ANKRD28: variants seen among roughly 807,000 people sequenced by gnomAD.
The protein encoded by ANKRD28 is ankyrin repeat domain 28.
In ANKRD28, 44 loss-of-function variants were observed where a neutral mutation model predicts 126.5. That is an observed-to-expected ratio of 0.35 (90% CI 0.27 to 0.45). The LOEUF (loss-of-function observed/expected upper bound fraction) is 0.45, where lower values mean the gene tolerates loss of function less well. Ranked by LOEUF, ANKRD28 falls within the 20% of genes least tolerant of loss-of-function variation. The probability of loss-of-function intolerance (pLI) is 1.00; values close to 1 mark genes in which losing one functional copy is unlikely to be tolerated. For missense variants in ANKRD28, 1,110 were observed against 1,316.6 expected, an observed-to-expected ratio of 0.84 and a Z score of 2.43; for synonymous variants, 442 against 468.5, an observed-to-expected ratio of 0.94 and a Z score of 0.73.
intron 1 of ANKRD28, among the ~76,000 whole-genome samples, chr3:15,859,161 C>G (rs1362269228): frequency 6.6e-6 from 1 of 152,202 alleles, no homozygotes. Context: ...GCTAGACCCC[C>G]GTCGGCACGT....
At chr3:15,775,088 G>C (rs2059195604) in intron 2 of ANKRD28, among the ~76,000 whole-genome samples, 1 of 146,494 alleles carries the variant, frequency 6.8e-6, no homozygotes, top group Non-Finnish European at 1.5e-5. Context: ...TGTTGGCCAG[G>C]CTGGTCTTGA....
At chr3:15,737,540 CCGT>C (rs1204105770) in intron 4 of ANKRD28, among the ~76,000 whole-genome samples, 1 of 12,370 alleles carries the variant, frequency 8.1e-5, no homozygotes, top group South Asian at 2.6e-3. Flanking sequence ...TCATAGCTCA[CCGT>C]AACTTCAAAT....
intron 4 of ANKRD28, among the ~76,000 whole-genome samples, chr3:15,747,093 G>A (rs1380861258): frequency 6.7e-6 from 1 of 149,366 alleles, no homozygotes; most frequent in Non-Finnish European, 1.5e-5. Flanking sequence ...TCTCTTCTTG[G>A]TTAATCTTGC....
At chr3:15,799,088 T>C (rs2060399262), upstream of ANKRD28, among the ~76,000 whole-genome samples, 1 of 152,046 alleles carries the variant, frequency 6.6e-6, no homozygotes, top group Non-Finnish European at 1.5e-5. Context: ...TTCTAATCTA[T>C]TCTGCTATCA....
chr3:15,685,530 C>A, intron 20 of ANKRD28, 85 bp from the exon 21 acceptor site: 1 of 1,131,920 alleles, frequency 8.8e-7, no homozygotes, highest in South Asian at 1.3e-5. Context: ...CTTTAAAGAC[C>A]ATACTCTCCA....
intron 4 of ANKRD28, among the ~76,000 whole-genome samples, chr3:15,741,186 G>C (rs932162503): frequency 4.0e-5 from 6 of 151,216 alleles, no homozygotes; most frequent in Non-Finnish European, 7.4e-5. Context: ...GCGACAGAGC[G>C]AGACTCCATC....
Position 15,830,551 on chromosome 3 carries a change from A to C in ANKRD28, c.27+28826T>G, listed in dbSNP as rs1344273480. ...AATGCCTGATGATCTGAGGTGGAAC[A>C]GTTTCATCTCAAAACCATCCCACCC... On this transcript the variant is annotated intron_variant, in intron 1 of 27. Transcript: ENST00000399451. The surrounding 1 kb of genome is among the most constrained non-coding windows in gnomAD (Gnocchi z 4.5). 1.3e-5 allele frequency among the ~76,000 whole-genome samples: 2 copies of C among 152,152 alleles called. No homozygotes were observed. The highest frequency in any genetic ancestry group is 1.3e-4 in the Admixed American group (2 of 15,282).
intron 14 of ANKRD28, among the ~76,000 whole-genome samples, chr3:15,701,036 A>T (rs1021207392): frequency 6.6e-6 from 1 of 152,186 alleles, no homozygotes; most frequent in Non-Finnish European, 1.5e-5. Flanking sequence ...TGGGGAAAAA[A>T]TTCTTTAATC....
rs777024231 is a variant in ANKRD28 at position 15,737,152 on chromosome 3, C to A, written c.433G>T (p.Ala145Ser). Residue 145 changes from alanine to serine, a missense_variant, in exon 5 of 28, where the codon GCT (alanine) becomes TCT (serine). Ala to Ser is a moderately conservative substitution (Grantham distance 99). Transcript: ENST00000683139. ...GCACACTTTACAGCTTTATTAGCAG[C>A]AGCTATATGTAAAGGGGTTTGCCAA... ...KNWQTPLHIA[A>S]ANKAVKCAEA... 1 of 1,613,982 alleles carries A rather than the reference C, an allele frequency of 6.2e-7. No individual in the cohort carries two copies. The highest frequency in any genetic ancestry group is 2.2e-5 in the East Asian group (1 of 44,884).
At chr3:15,703,472 T>G (rs1379743145) in intron 14 of ANKRD28, among the ~76,000 whole-genome samples, 1 of 152,208 alleles carries the variant, frequency 6.6e-6, no homozygotes, top group African/African-American at 2.4e-5. Flanking sequence ...GGGATTAGTG[T>G]CCTTATAAAT....
chr3:15,719,782 T>G lies in ANKRD28; in HGVS notation c.996+1133A>C, dbSNP rs1575372342. Among the ~76,000 whole-genome samples, 4 of 152,254 alleles carry G rather than the reference T, an allele frequency of 2.6e-5. 1 individual carries two copies. The Middle Eastern group carries it at 0.014, about 518-fold the overall frequency. On this transcript the variant is annotated intron_variant, in intron 8 of 27. Transcript: ENST00000683139. Reference sequence around the variant, plus strand: ...GTTGCCCAGGCTGGTCTTGAACTCCTGGCCTCAAGTGATCTTCTCGCCTTG... The same window carrying G: ...GTTGCCCAGGCTGGTCTTGAACTCCGGGCCTCAAGTGATCTTCTCGCCTTG...
At chr3:15,754,284 G>A (rs374707976) in intron 3 of ANKRD28, among the ~76,000 whole-genome samples, 12 of 152,178 alleles carry the variant, frequency 7.9e-5, no homozygotes, top group African/African-American at 2.6e-4. Flanking sequence ...TTTGTCCATC[G>A]TATCTTGCAT....
intron 21 of ANKRD28, 86 bp downstream of exon 21, chr3:15,685,140 T>TA (rs777511707): frequency 6.7e-4 from 985 of 1,464,846 alleles, no homozygotes; most frequent in Non-Finnish European, 8.8e-4. Context: ...TTGCTAATTT[T>TA]AAACTTAAAA....
At chr3:15,712,594 G>T (rs891833406) in intron 10 of ANKRD28, among the ~76,000 whole-genome samples, 1 of 152,140 alleles carries the variant, frequency 6.6e-6, no homozygotes, top group African/African-American at 2.4e-5. Context: ...CTGGACATTT[G>T]CTTAGGGAGC....
intron 2 of ANKRD28, among the ~76,000 whole-genome samples, chr3:15,793,936 G>C (rs896880516): frequency 3.9e-5 from 6 of 152,150 alleles, no homozygotes; most frequent in African/African-American, 1.4e-4. Context: ...CGGGCGTGGT[G>C]GCAGGTGCCT....
chr3:15,719,102 C>T (rs2073407080), intron 8 of ANKRD28, among the ~76,000 whole-genome samples: 1 of 152,148 alleles, frequency 6.6e-6, no homozygotes, highest in South Asian at 2.1e-4. Flanking sequence ...GATGGTTTAG[C>T]TCTAATCATA....
intron 27 of ANKRD28, among the ~76,000 whole-genome samples, chr3:15,673,762 A>T (rs2066620926): frequency 6.6e-6 from 1 of 152,194 alleles, no homozygotes; most frequent in African/African-American, 2.4e-5. Context: ...GCCAGAATGA[A>T]GATCACAATG....
Position 15,737,366 on chromosome 3 carries a change from A to G in ANKRD28, c.352-133T>C, listed in dbSNP as rs939619255. ...AAATAAAAAAGCTCTCATAGAACTCACTATAAACAAGTAGGAATTTACCCA... is the reference window on the plus strand; with the variant it reads ...AAATAAAAAAGCTCTCATAGAACTCGCTATAAACAAGTAGGAATTTACCCA... On this transcript the variant is annotated intron_variant, in intron 4 of 27. Coordinates refer to ENST00000683139, the MANE Select transcript of ANKRD28 (RefSeq NM_001349278.2). 2.4e-5 allele frequency: 18 copies of G among 760,240 alleles called. No individual in the cohort carries two copies. The African/African-American group carries it at 2.6e-4, about 11-fold the overall frequency. The allele number at this position is 760,240 out of a possible 1,614,324, so 47.1% of individuals were successfully genotyped here. A position where few individuals can be genotyped will look rare whatever the true frequency, so the allele number is the denominator to read the frequency against.
intron 6 of ANKRD28, among the ~76,000 whole-genome samples, chr3:15,730,161 T>TA (rs2074476322): frequency 6.6e-6 from 1 of 152,120 alleles, no homozygotes; most frequent in Admixed American, 6.6e-5. Flanking sequence ...CAGCCCATGG[T>TA]AAAAAATATT....
Sources: gnomAD v4.1 joint callset for allele counts (sites outside exome capture counted in the v4.1 genomes callset) on GRCh38, gnomAD v4.1.1 for gene constraint, Gnocchi (gnomAD v3.1) non-coding constraint, MANE v1.5 for transcripts, NCBI Gene and HGNC (gene_info 2026-07-23, HGNC 2026-07-21) for gene names.